The following DPYSL2 variants were observed in gnomAD, a reference collection of about 807,000 sequenced individuals.
DPYSL2 encodes the protein dihydropyrimidinase-related protein 2.
Under a neutral mutation model 69.9 loss-of-function variants are expected in DPYSL2, and 13 were observed. The ratio of observed to expected loss-of-function variants is 0.19; its 90% confidence interval spans 0.12 to 0.30. The LOEUF is 0.30. Ranked by LOEUF, DPYSL2 falls within the 10% of genes least tolerant of loss-of-function variation. DPYSL2 has a pLI of 1.00. For synonymous variants in DPYSL2, 326 were observed against 359.1 expected (o/e 0.91, Z 1.04); for missense variants, 587 against 918.9 (o/e 0.64, Z 4.67).
At chr8:26,553,745 T>A (rs1800903443) in intron 1 of DPYSL2, among the ~76,000 whole-genome samples, 1 of 152,146 alleles carries the variant, frequency 6.6e-6, no homozygotes, top group Admixed American at 6.6e-5. Context: ...TACCCAGTAG[T>A]GGGATTGCTG....
In DPYSL2 at chr8:26,643,976, C is replaced by G. The variant is rs144132241; in HGVS notation, c.1310C>G (p.Ala437Gly). The change falls in exon 10 of 14, where the codon GCC becomes GGC. Residue 437 changes from alanine (A) to glycine (G), a missense_variant. Around this residue, in one of 3 missense-constraint regions of DPYSL2, gnomAD observed 452 missense variants for 754.3 expected, o/e 0.60. Coordinates refer to ENST00000521913, the MANE Select transcript of DPYSL2 (RefSeq NM_001197293.3). The surrounding 1 kb of genome is among the most constrained non-coding windows in gnomAD (Gnocchi z 6.5). ...GGAGACCTCCAGGTCACGGGCAGTG[C>G]CCATTGCACGTTTAACACTGCCCAG... ...SCGDLQVTGS[A>G]HCTFNTAQKA... 9.3e-5 allele frequency: 150 copies of G among 1,614,028 alleles called. No individual in the cohort carries two copies. The highest frequency in any genetic ancestry group is 1.2e-4 in the Non-Finnish European group (142 of 1,180,008).
At chr8:26,646,667 G>A (rs1435131246) in intron 10 of DPYSL2, among the ~76,000 whole-genome samples, 1 of 152,120 alleles carries the variant, frequency 6.6e-6, no homozygotes, top group East Asian at 1.9e-4. Flanking sequence ...ACCAGATGTG[G>A]GGCGGAGACT....
chr8:26,610,284 G>T lies in DPYSL2; in HGVS notation c.629-13859G>T, dbSNP rs956716566. On this transcript the variant is annotated intron_variant, in intron 3 of 13. Coordinates refer to ENST00000521913, the MANE Select transcript of DPYSL2 (RefSeq NM_001197293.3). The surrounding 1 kb of genome is among the most constrained non-coding windows in gnomAD (Gnocchi z 4.5). ...TTTTTGATAGAATGAGAGATGAATT[G>T]ATTTGTTCCTGATACATTCTGTTGG... Among the ~76,000 whole-genome samples the T allele has an allele frequency of 6.6e-6, 1 of 152,162 alleles. No homozygotes were observed. Among genetic ancestry groups the T allele is most frequent in the Admixed American group, 6.5e-5 (1 of 15,290 alleles).
At chr8:26,595,787 C>T (rs60998611) in intron 3 of DPYSL2, among the ~76,000 whole-genome samples, 155 of 152,208 alleles carry the variant, frequency 1.0e-3, no homozygotes, top group African/African-American at 3.6e-3. Flanking sequence ...TCTCTCCAGC[C>T]GGGTGTGGCT....
chr8:26,578,476 A>G, intron 1 of DPYSL2: 1 of 1,453,948 alleles, frequency 6.9e-7, no homozygotes, highest in Non-Finnish European at 9.0e-7. Context: ...CCAGGATTAG[A>G]AGTCGCATCG....
intron 1 of DPYSL2, among the ~76,000 whole-genome samples, chr8:26,531,767 A>G (rs1800513790): frequency 6.6e-6 from 1 of 152,168 alleles, no homozygotes; most frequent in African/African-American, 2.4e-5. Flanking sequence ...TTCAAGAGGT[A>G]CATGATGGTC....
At chr8:26,522,338 A>G (rs1248264806) in intron 1 of DPYSL2, among the ~76,000 whole-genome samples, 1 of 138,508 alleles carries the variant, frequency 7.2e-6, no homozygotes, top group African/African-American at 2.8e-5. Flanking sequence ...CAAACAAACA[A>G]ATGTTTTCAG....
intron 3 of DPYSL2, among the ~76,000 whole-genome samples, chr8:26,590,438 C>T (rs1047668654): frequency 1.3e-5 from 2 of 151,632 alleles, no homozygotes; most frequent in African/African-American, 2.4e-5. Context: ...CGGCCTTGAA[C>T]GGCTGGACTG....
At chr8:26,623,597 A>G (rs1287422849) in intron 3 of DPYSL2, among the ~76,000 whole-genome samples, 1 of 152,198 alleles carries the variant, frequency 6.6e-6, no homozygotes, top group Non-Finnish European at 1.5e-5. Context: ...TGCAGTTTTA[A>G]AACACTTTGA....
chr8:26,650,377 G>A lies in DPYSL2; in HGVS notation c.1597-1880G>A, dbSNP rs369543450. Among the ~76,000 whole-genome samples, 7 of 152,338 alleles carry A rather than the reference G, an allele frequency of 4.6e-5. No individual in the cohort carries two copies. In the East Asian group the frequency reaches 1.4e-3, roughly 30 times the overall value. ...CAGGGCATAAACTGTTAGCTGTGGA[G>A]TGATGTGGAAGAGATGGCTCTTGAT... On this transcript the variant is annotated intron_variant, in intron 11 of 13. Transcript: ENST00000521913. This position sits in a 1 kb window ranked among gnomAD's most constrained non-coding sequence, Gnocchi z 5.3.
Position 26,643,943 on chromosome 8 carries a change from T to G in DPYSL2, c.1284-7T>G. The G allele has an allele frequency of 6.2e-7, 1 of 1,613,300 alleles. No individual in the cohort carries two copies. The highest frequency in any genetic ancestry group is 8.5e-7 in the Non-Finnish European group (1 of 1,179,554). On this transcript the variant is annotated splice_region_variant and splice_polypyrimidine_tract_variant and intron_variant, in intron 9 of 13. Transcript: ENST00000521913. This position sits in a 1 kb window ranked among gnomAD's most constrained non-coding sequence, Gnocchi z 6.5. ...CTGCAGCACCACGTTATGCATTTTC[T>G]TTGCAGTGGAGACCTCCAGGTCACG...
chr8:26,637,065 G>T (rs1452864305), intron 8 of DPYSL2, among the ~76,000 whole-genome samples: 5 of 152,140 alleles, frequency 3.3e-5, no homozygotes, highest in African/African-American at 1.2e-4. Context: ...TTATAACCTT[G>T]ACACACTGTG....
chr8:26,609,620 G>A lies in DPYSL2; in HGVS notation c.629-14523G>A, dbSNP rs994711056. On this transcript the variant is annotated intron_variant, in intron 3 of 13. Coordinates refer to ENST00000521913, the MANE Select transcript of DPYSL2 (RefSeq NM_001197293.3). The surrounding 1 kb of genome is among the most constrained non-coding windows in gnomAD (Gnocchi z 6.5). ...AGCTGAGACAAACAGAGGAAGTGTC[G>A]TTATTCACATGTTTCTCTGGCCACC... 5.3e-5 allele frequency among the ~76,000 whole-genome samples: 8 copies of A among 152,168 alleles called. No homozygotes were observed. Among genetic ancestry groups the A allele is most frequent in the East Asian group, 3.8e-4 (2 of 5,196 alleles).
chr8:26,578,028 G>A, intron 1 of DPYSL2: 1 of 1,361,758 alleles, frequency 7.3e-7, no homozygotes. Flanking sequence ...TTTTTTTTCC[G>A]CCCTAGCTGG....
In DPYSL2 at chr8:26,609,473, T is replaced by A. The variant is rs1456454011; in HGVS notation, c.629-14670T>A. Among the ~76,000 whole-genome samples, 1 of 152,218 alleles carries A rather than the reference T, an allele frequency of 6.6e-6. No homozygotes were observed. Among genetic ancestry groups the A allele is most frequent in the Non-Finnish European group, 1.5e-5 (1 of 68,040 alleles). ...AAGGAAAACGAAGTCAAACCCAGTC[T>A]TTGCACGTGGAAGCTTGTGGCGTGA... On this transcript the variant is annotated intron_variant, in intron 3 of 13. Transcript: ENST00000521913. The surrounding 1 kb of genome is among the most constrained non-coding windows in gnomAD (Gnocchi z 6.5).
chr8:26,611,610 G>C (rs1406356057), intron 3 of DPYSL2, among the ~76,000 whole-genome samples: 2 of 152,214 alleles, frequency 1.3e-5, no homozygotes, highest in Non-Finnish European at 1.5e-5. Flanking sequence ...CTAATTACAG[G>C]AAACAGAGAT....
intron 10 of DPYSL2, among the ~76,000 whole-genome samples, chr8:26,646,857 C>T (rs1803175167): frequency 6.6e-6 from 1 of 152,006 alleles, no homozygotes; most frequent in African/African-American, 2.4e-5. Context: ...GTGGTGCATG[C>T]CTGTCTTCCC....
At chr8:26,635,013 C>T (rs76617667) in intron 8 of DPYSL2, 113 bp downstream of exon 8, 125,745 of 1,460,978 alleles carry the variant, frequency 0.086, 6,173 homozygotes, top group Non-Finnish European at 0.099. Context: ...GGGCCACTTG[C>T]ACCATGTTCT....
intron 3 of DPYSL2, among the ~76,000 whole-genome samples, chr8:26,613,254 C>T (rs1802276292): frequency 6.6e-6 from 1 of 152,236 alleles, no homozygotes; most frequent in East Asian, 1.9e-4. Context: ...GAATCTGGGC[C>T]TTCTCTCTGC....
Sources: allele counts gnomAD v4.1 joint callset (sites outside exome capture counted in the v4.1 genomes callset), GRCh38; gene constraint gnomAD v4.1.1; regional missense constraint gnomAD v4.1.1; non-coding constraint Gnocchi (gnomAD v3.1); transcripts MANE v1.5; gene names NCBI Gene and HGNC (gene_info 2026-07-23, HGNC 2026-07-21).